RASA2: variants seen among roughly 807,000 people sequenced by gnomAD.
RASA2 encodes ras GTPase-activating protein 2.
RASA2 carries 155 observed loss-of-function variants against 118.2 expected under a neutral mutation model. The observed-to-expected ratio is 1.31, with a 90% CI of 1.15 to 1.50. The LOEUF (loss-of-function observed/expected upper bound fraction) is 1.50. Ranked by LOEUF, RASA2 falls within the 40% of genes most tolerant of loss-of-function variation. RASA2 has a pLI of 0.00. For missense variants in RASA2, 1,016 were observed against 1,009.6 expected (o/e 1.01, Z -0.09); for synonymous variants, 353 against 349.1 (o/e 1.01, Z -0.12).
intron 1 of RASA2, among the ~76,000 whole-genome samples, chr3:141,497,959 A>T (rs1461227697): frequency 1.3e-5 from 2 of 152,208 alleles, no homozygotes; most frequent in African/African-American, 2.4e-5. Flanking sequence ...AAACTTTTTA[A>T]AATTTTAATA....
At chr3:141,493,569 A>G (rs2081663548) in intron 1 of RASA2, among the ~76,000 whole-genome samples, 1 of 152,174 alleles carries the variant, frequency 6.6e-6, no homozygotes, top group African/African-American at 2.4e-5. Context: ...TTAGCCACAT[A>G]CCCTACCTAA....
At position 141,610,015 on chromosome 3, in the gene RASA2, C is replaced by A; in HGVS notation, c.2468C>A (p.Pro823His). The A allele has an allele frequency of 6.2e-7, 1 of 1,603,348 alleles. No homozygotes were observed. The highest frequency in any genetic ancestry group is 1.1e-5 in the South Asian group (1 of 89,062). The change falls in exon 23 of 24, where the codon CCT (proline) becomes CAT (histidine). Residue 823 changes from proline (P) to histidine (H), a missense_variant. Transcript: ENST00000286364. ...IKSIIEKLDE[P>H]HEKYRKKRSS... ...AGCATAATTGAGAAGCTGGATGAAC[C>A]TCATGAAAAATATAGGAAGAAAAGA...
In RASA2 at chr3:141,507,567, G is replaced by T. The variant is rs145408647; in HGVS notation, c.134-4596G>T. Reference sequence around the variant, plus strand: ...ATGATCAGGAGTCTACTACTGTTAGGAAATAGCCATTAGCAAGCAGCCACC... The same window carrying T: ...ATGATCAGGAGTCTACTACTGTTAGTAAATAGCCATTAGCAAGCAGCCACC... On this transcript the variant is annotated intron_variant, in intron 1 of 23. Transcript: ENST00000286364. 8.8e-3 allele frequency among the ~76,000 whole-genome samples: 1,339 copies of T among 152,272 alleles called. 5 individuals are homozygous for T. Among genetic ancestry groups the T allele is most frequent in the Non-Finnish European group, 0.014 (946 of 68,012 alleles).
chr3:141,566,048 T>C (rs1223791364), intron 9 of RASA2, among the ~76,000 whole-genome samples: 1 of 152,220 alleles, frequency 6.6e-6, no homozygotes, highest in Non-Finnish European at 1.5e-5. Context: ...CCTTCCTCCT[T>C]CTATTTTTAA....
At chr3:141,522,841 G>C (rs1220947105) in intron 3 of RASA2, among the ~76,000 whole-genome samples, 2 of 152,080 alleles carry the variant, frequency 1.3e-5, no homozygotes, top group African/African-American at 4.8e-5. Flanking sequence ...GGGCTTTTCT[G>C]GTCCCTGGAC....
rs770322899 is a variant in RASA2 at position 141,512,239 on chromosome 3, G to A, written c.210G>A (p.Gln70=). 19 of 1,593,496 alleles carry A rather than the reference G, an allele frequency of 1.2e-5. No individual in the cohort carries two copies. Among genetic ancestry groups the A allele is most frequent in the Non-Finnish European group, 1.6e-5 (19 of 1,174,906 alleles). The change falls in exon 2 of 24, where the codon CAG becomes CAA. Residue 70 remains glutamine, a synonymous_variant. Transcript: ENST00000286364. ...GTTTCTGTACCATAAATTTGGACCA[G>A]GAAGAAGTTTATCGTACCCAAGTTG... ...RDCFCTINLD[Q]EEVYRTQVVE... is the part of the protein sequence containing the mutation.
chr3:141,549,924 C>T (rs773418015), intron 5 of RASA2, among the ~76,000 whole-genome samples: 1 of 152,030 alleles, frequency 6.6e-6, no homozygotes, highest in Non-Finnish European at 1.5e-5. Context: ...ACAATTTGAG[C>T]TTCAGAATAA....
At chr3:141,510,879 G>T (rs1009918774) in intron 1 of RASA2, among the ~76,000 whole-genome samples, 9 of 152,236 alleles carry the variant, frequency 5.9e-5, no homozygotes, top group African/African-American at 1.9e-4. Flanking sequence ...AAGTGAAATG[G>T]TGTGGTATTG....
chr3:141,529,364 G>A (rs974711462), intron 3 of RASA2, among the ~76,000 whole-genome samples: 1 of 152,064 alleles, frequency 6.6e-6, no homozygotes, highest in Admixed American at 6.6e-5. Flanking sequence ...AGATTAGTTT[G>A]CACTACCATT....
intron 1 of RASA2, among the ~76,000 whole-genome samples, chr3:141,505,824 G>A (rs887615022): frequency 6.6e-6 from 1 of 152,092 alleles, no homozygotes; most frequent in Non-Finnish European, 1.5e-5. Flanking sequence ...GCAACATTGT[G>A]AAGGTTGAGT....
At chr3:141,488,903 A>G (rs1359081182) in intron 1 of RASA2, among the ~76,000 whole-genome samples, 3 of 152,216 alleles carry the variant, frequency 2.0e-5, no homozygotes, top group Non-Finnish European at 4.4e-5. Flanking sequence ...TTACCATGGA[A>G]CTACATATAC....
chr3:141,596,266 A>G (rs2083366547), intron 19 of RASA2, among the ~76,000 whole-genome samples: 1 of 152,238 alleles, frequency 6.6e-6, no homozygotes, highest in Non-Finnish European at 1.5e-5. Context: ...AGTAACCTAT[A>G]GATTGAAGAA....
At chr3:141,522,289 G>T (rs2082122305) in intron 3 of RASA2, among the ~76,000 whole-genome samples, 1 of 152,098 alleles carries the variant, frequency 6.6e-6, no homozygotes, top group Non-Finnish European at 1.5e-5. Context: ...AGTAGAGATG[G>T]ACCACTGTGG....
rs369756389 is a variant in RASA2 at position 141,580,497 on chromosome 3, G to A, written c.1674+46G>A. The A allele has an allele frequency of 7.6e-5, 109 of 1,435,018 alleles. No homozygotes were observed. In the African/African-American group the frequency reaches 1.4e-3, roughly 18 times the overall value. The allele number at this position is 1,435,018 out of a possible 1,614,324, so 88.9% of individuals were successfully genotyped here. ...TTTTGTTTTTACACTTCTAAATGTTGTTACATCCTATGATCCCTTATCCTT... is the reference window on the plus strand; with the variant it reads ...TTTTGTTTTTACACTTCTAAATGTTATTACATCCTATGATCCCTTATCCTT... On this transcript the variant is annotated intron_variant, in intron 16 of 23. Transcript: ENST00000286364.
Position 141,608,569 on chromosome 3 carries a change from A to C in RASA2, c.2097A>C (p.Val699=). The change falls in exon 21 of 24, where the codon GTA becomes GTC. Residue 699 remains valine (V), a synonymous_variant. Coordinates refer to ENST00000286364, the MANE Select transcript of RASA2 (RefSeq NM_006506.5). Reference sequence around the variant, plus strand: ...TAGAAGCTAATGAATGGATAGACGTACTCTGCAGGGTGAGCCGATGCAATC... The same window carrying C: ...TAGAAGCTAATGAATGGATAGACGTCCTCTGCAGGGTGAGCCGATGCAATC... ...NCVEANEWID[V]LCRVSRCNQN... is the part of the protein sequence containing the mutation. 6.2e-7 allele frequency: 1 copy of C among 1,613,918 alleles called. No individual in the cohort carries two copies. The highest frequency in any genetic ancestry group is 8.5e-7 in the Non-Finnish European group (1 of 1,179,890).
chr3:141,569,542 G>A (rs185393367), intron 9 of RASA2, among the ~76,000 whole-genome samples: 1 of 152,278 alleles, frequency 6.6e-6, no homozygotes, highest in Non-Finnish European at 1.5e-5. Context: ...ATTTAGGCAA[G>A]CATATTGCTG....
At chr3:141,489,452 G>T (rs1284886554) in intron 1 of RASA2, among the ~76,000 whole-genome samples, 1 of 152,194 alleles carries the variant, frequency 6.6e-6, no homozygotes, top group Non-Finnish European at 1.5e-5. Context: ...GATGGTGGTG[G>T]TTCTGACAAG....
chr3:141,607,471 GA>G lies in RASA2; in HGVS notation c.1934-203del, dbSNP rs1169241011. On this transcript the variant is annotated intron_variant, in intron 19 of 23. Transcript: ENST00000286364. ...AAATGTTTTAATATTATATGGCAAAGAAAAGCAGTGGTCACTTTAGAAGACA... is the reference window on the plus strand; with the variant it reads ...AAATGTTTTAATATTATATGGCAAAGAAAGCAGTGGTCACTTTAGAAGACA... 3.3e-5 allele frequency among the ~76,000 whole-genome samples: 5 copies of G among 152,198 alleles called. No homozygotes were observed. The South Asian group carries it at 6.2e-4, about 19-fold the overall frequency.
At chr3:141,505,271 G>A (rs893624360) in intron 1 of RASA2, among the ~76,000 whole-genome samples, 80 of 152,268 alleles carry the variant, frequency 5.3e-4, no homozygotes, top group African/African-American at 1.8e-3. Flanking sequence ...TATATCCCCA[G>A]CACTTAGAAC....
Sources: gnomAD v4.1 joint callset for allele counts (sites outside exome capture counted in the v4.1 genomes callset) on GRCh38, gnomAD v4.1.1 for gene constraint, MANE v1.5 for transcripts, NCBI Gene and HGNC (gene_info 2026-07-23, HGNC 2026-07-21) for gene names.